TTC29: variants seen among roughly 807,000 people sequenced by gnomAD.
TTC29 encodes tetratricopeptide repeat protein 29.
A neutral mutation model predicts 58.1 loss-of-function variants in TTC29; 49 were observed. That is an observed-to-expected ratio of 0.84 (90% CI 0.67 to 1.07). The LOEUF (loss-of-function observed/expected upper bound fraction) is 1.07. Ranked by LOEUF, TTC29 falls within the 50% of genes least tolerant of loss-of-function variation. The pLI is 0.00. For synonymous variants in TTC29, 209 were observed against 196.8 expected (o/e 1.06, Z -0.52); for missense variants, 582 against 555.6 (o/e 1.05, Z -0.48).
chr4:146,859,204 C>T (rs563943289), intron 8 of TTC29, among the ~76,000 whole-genome samples: 3 of 152,092 alleles, frequency 2.0e-5, no homozygotes, highest in Admixed American at 2.0e-4. Flanking sequence ...AATGGGGTAT[C>T]CATCAGAAGA....
intron 11 of TTC29, among the ~76,000 whole-genome samples, chr4:146,731,875 C>T (rs1184008197): frequency 1.3e-5 from 2 of 152,120 alleles, no homozygotes; most frequent in East Asian, 1.9e-4. Context: ...AGAGAAATAG[C>T]CATGGTCCAG....
chr4:146,862,734 C>A (rs987640013), intron 8 of TTC29, among the ~76,000 whole-genome samples: 3 of 152,176 alleles, frequency 2.0e-5, no homozygotes, highest in South Asian at 4.1e-4. Context: ...ACTGCAAAGG[C>A]TACTGGATGA....
chr4:146,758,800 A>G lies in TTC29; in HGVS notation c.1330+44657T>C, dbSNP rs192146803. On this transcript the variant is annotated intron_variant, in intron 11 of 12. Coordinates refer to ENST00000325106, the MANE Select transcript of TTC29 (RefSeq NM_031956.4). ...AAAATTCTTCGAACTTAATGACAAT[A>G]ATGACACAACCTATCAAGACCTCTG... is the stretch of plus-strand genomic sequence containing the variant. Among the ~76,000 whole-genome samples the G allele has an allele frequency of 6.6e-5, 10 of 152,268 alleles. No homozygotes were observed. In the South Asian group the frequency reaches 1.7e-3, roughly 25 times the overall value.
intron 7 of TTC29, among the ~76,000 whole-genome samples, chr4:146,869,612 A>G (rs1730797551): frequency 6.6e-6 from 1 of 152,096 alleles, no homozygotes; most frequent in African/African-American, 2.4e-5. Flanking sequence ...TGTATGTGGT[A>G]TGTATTTTCT....
At position 146,855,747 on chromosome 4, in the gene TTC29, T is replaced by C. The variant is rs1159114107; in HGVS notation, c.885+11751A>G. Among the ~76,000 whole-genome samples the C allele has an allele frequency of 1.3e-5, 2 of 152,230 alleles. 1 individual carries two copies. On this transcript the variant is annotated intron_variant, in intron 8 of 12. Coordinates refer to ENST00000325106, the MANE Select transcript of TTC29 (RefSeq NM_031956.4). Reference sequence around the variant, plus strand: ...ACTAAAGACACCTTTGAGAATGTTTTGGATAAGTTTTAATATATTTGATTA... The same window carrying C: ...ACTAAAGACACCTTTGAGAATGTTTCGGATAAGTTTTAATATATTTGATTA...
chr4:146,733,875 T>C (rs1208220952), intron 11 of TTC29, among the ~76,000 whole-genome samples: 1 of 152,168 alleles, frequency 6.6e-6, no homozygotes, highest in African/African-American at 2.4e-5. Context: ...GGGTAATTTT[T>C]TAAAAAATCA....
chr4:146,803,537 T>A lies in TTC29; in HGVS notation c.1250A>T (p.Glu417Val). 6.2e-7 allele frequency: 1 copy of A among 1,603,024 alleles called. No individual in the cohort carries two copies. The highest frequency in any genetic ancestry group is 8.5e-7 in the Non-Finnish European group (1 of 1,173,968). The change falls in exon 11 of 13, where the codon GAG becomes GTG. Residue 417 changes from glutamate to valine, a missense_variant. Transcript: ENST00000325106. ...QMMLTVNNYI[E>V]SADLTSLNYL... ...GTTGAGGCTGGTGAGATCTGCAGAC[T>A]CTATATAGTTGTTCACTGTAAGCAT...
intron 11 of TTC29, among the ~76,000 whole-genome samples, chr4:146,748,659 T>C (rs1402146261): frequency 6.6e-6 from 1 of 152,186 alleles, no homozygotes; most frequent in East Asian, 1.9e-4. Context: ...AGAAGCTACA[T>C]GGAGACTACA....
chr4:146,799,820 A>G lies in TTC29; in HGVS notation c.1330+3637T>C, dbSNP rs78810139. On this transcript the variant is annotated intron_variant, in intron 11 of 12. Transcript: ENST00000325106. ...ACATTTCTAGGTTGACACTGCTATT[A>G]AGTTGAATATGGAAAGCTTTTGCTT... 3.4e-4 allele frequency among the ~76,000 whole-genome samples: 52 copies of G among 152,310 alleles called. 1 individual carries two copies. In the East Asian group the frequency reaches 7.1e-3, roughly 21 times the overall value.
At chr4:146,865,844 T>G (rs532582768) in intron 8 of TTC29, among the ~76,000 whole-genome samples, 2 of 152,230 alleles carry the variant, frequency 1.3e-5, no homozygotes, top group East Asian at 3.9e-4. Context: ...TATAGATATA[T>G]CAAAACATCA....
intron 6 of TTC29, among the ~76,000 whole-genome samples, chr4:146,891,021 G>C (rs535120333): frequency 6.6e-6 from 1 of 152,088 alleles, no homozygotes; most frequent in African/African-American, 2.4e-5. Flanking sequence ...AGAGGGATAC[G>C]GAAGGGAAAG....
At chr4:146,830,011 ACTGT>A (rs766297664) in intron 9 of TTC29, among the ~76,000 whole-genome samples, 7 of 152,138 alleles carry the variant, frequency 4.6e-5, no homozygotes, top group Non-Finnish European at 7.4e-5. Context: ...ATTTACTCAA[ACTGT>A]CTGTCTGTAT....
intron 6 of TTC29, among the ~76,000 whole-genome samples, chr4:146,900,820 T>C (rs1313454166): frequency 6.6e-6 from 1 of 152,146 alleles, no homozygotes; most frequent in East Asian, 1.9e-4. Context: ...ATGATGAAGA[T>C]GTCTAAGTTT....
intron 8 of TTC29, among the ~76,000 whole-genome samples, chr4:146,859,804 A>C (rs1489135071): frequency 6.6e-6 from 1 of 152,096 alleles, no homozygotes; most frequent in Non-Finnish European, 1.5e-5. Flanking sequence ...AAGTTAGAGA[A>C]ATAGAAGGAA....
intron 11 of TTC29, among the ~76,000 whole-genome samples, chr4:146,793,717 G>A (rs533506979): frequency 6.6e-6 from 1 of 152,108 alleles, no homozygotes; most frequent in South Asian, 2.1e-4. Flanking sequence ...GCAATAGGTT[G>A]GTTTTCATCT....
chr4:146,943,881 C>G (rs534440032), intron 2 of TTC29, among the ~76,000 whole-genome samples: 11 of 152,156 alleles, frequency 7.2e-5, no homozygotes. Flanking sequence ...CCCATGTGAG[C>G]TCCAATTTAG....
At chr4:146,813,183 A>C (rs1448913562) in intron 10 of TTC29, among the ~76,000 whole-genome samples, 1 of 152,232 alleles carries the variant, frequency 6.6e-6, no homozygotes, top group African/African-American at 2.4e-5. Context: ...ATAAATGAGC[A>C]TTTTCTCAGT....
At chr4:146,871,829 A>T (rs1451437941) in intron 7 of TTC29, among the ~76,000 whole-genome samples, 3 of 152,020 alleles carry the variant, frequency 2.0e-5, no homozygotes, top group Non-Finnish European at 4.4e-5. Flanking sequence ...AATATTCCCT[A>T]AATTGATTGA....
At chr4:146,770,128 A>G (rs1190483089) in intron 11 of TTC29, among the ~76,000 whole-genome samples, 1 of 151,940 alleles carries the variant, frequency 6.6e-6, no homozygotes, top group Non-Finnish European at 1.5e-5. Context: ...AGAAAAAAAA[A>G]ATTTCTGAAT....
Sources: allele counts gnomAD v4.1 joint callset (sites outside exome capture counted in the v4.1 genomes callset), GRCh38; gene constraint gnomAD v4.1.1; transcripts MANE v1.5; gene names NCBI Gene and HGNC (gene_info 2026-07-23, HGNC 2026-07-21).